UBIAD1: variants seen among roughly 807,000 people sequenced by gnomAD.
The protein encoded by UBIAD1 is UbiA prenyltransferase domain containing 1.
Under a neutral mutation model 20.1 loss-of-function variants are expected in UBIAD1, and 12 were observed. The ratio of observed to expected loss-of-function variants is 0.60; its 90% CI spans 0.38 to 0.97. The LOEUF is 0.97. Among genes scored for constraint, UBIAD1 ranks in the 50% least tolerant of loss-of-function variants. The pLI is 0.00. For missense variants in UBIAD1, 333 were observed against 419.5 expected (o/e 0.79, Z 1.80); for synonymous variants, 207 against 189.2 (o/e 1.09, Z -0.77).
chr1:11,278,619 T>G (rs1652138817), intron 1 of UBIAD1: 11 of 1,432,582 alleles, frequency 7.7e-6, no homozygotes, highest in Non-Finnish European at 1.0e-5. Context: ...AATTAATTGT[T>G]GTATGTTTGT....
chr1:11,289,530 G>T (rs999493227), downstream of UBIAD1, among the ~76,000 whole-genome samples: 1 of 152,076 alleles, frequency 6.6e-6, no homozygotes, highest in Non-Finnish European at 1.5e-5. Flanking sequence ...AGTTTTCTCA[G>T]TGACTGGAAT....
At chr1:11,295,875 C>T (rs1389424768), downstream of UBIAD1, 1 of 152,220 alleles carries the variant, frequency 6.6e-6, no homozygotes, top group African/African-American at 2.4e-5. Flanking sequence ...AAGCTACATG[C>T]ATACATTATC....
At chr1:11,274,529 C>G (rs1651929658) in intron 1 of UBIAD1, among the ~76,000 whole-genome samples, 1 of 151,582 alleles carries the variant, frequency 6.6e-6, no homozygotes, top group African/African-American at 2.4e-5. Context: ...GATTTCCTGA[C>G]CTCGTGATCC....
At chr1:11,299,367 A>G (rs1638496743), downstream of UBIAD1, among the ~76,000 whole-genome samples, 1 of 152,198 alleles carries the variant, frequency 6.6e-6, no homozygotes, top group Admixed American at 6.5e-5. Flanking sequence ...TGAGTGGTTC[A>G]GTGACTTGCT....
Position 11,286,099 on chromosome 1 carries a change from C to G in UBIAD1, c.985C>G (p.Leu329Val), listed in dbSNP as rs147731107. 32 of 1,614,106 alleles carry G rather than the reference C, an allele frequency of 2.0e-5. No individual in the cohort carries two copies. The African/African-American group carries it at 3.2e-4, about 16-fold the overall frequency. The change falls in exon 2 of 2, where the codon CTG becomes GTG. Residue 329 changes from leucine to valine, a missense_variant. By Grantham distance (32) the Leu-to-Val change is conservative. This residue lies in a region of UBIAD1 where 226 missense variants were observed against 263.5 expected (regional missense o/e 0.86). Transcript: ENST00000376810. Reference protein sequence around the residue: ...LGLFYVFGIILAPAGSLPKI With the variant: ...LGLFYVFGIIVAPAGSLPKI ...ACTTTTCTATGTCTTTGGCATCATTCTGGCACCAGCAGGCAGTCTGCCCAA... is the reference window on the plus strand; with the variant it reads ...ACTTTTCTATGTCTTTGGCATCATTGTGGCACCAGCAGGCAGTCTGCCCAA...
rs1007618735 is a variant in UBIAD1 at position 11,285,082 on chromosome 1, C to A, written c.530-562C>A. ...AGGAGGAAAGCAGCATTATAACTCT[C>A]CTGTCCTCGCTGTTTTGCTTATCGC... On this transcript the variant is annotated intron_variant, in intron 1 of 1. Coordinates refer to ENST00000376810, the MANE Select transcript of UBIAD1 (RefSeq NM_013319.3). The surrounding 1 kb of genome is among the most constrained non-coding windows in gnomAD (Gnocchi z 4.4). 2.6e-5 allele frequency among the ~76,000 whole-genome samples: 4 copies of A among 152,170 alleles called. No individual in the cohort carries two copies. Among genetic ancestry groups the A allele is most frequent in the African/African-American group, 9.7e-5 (4 of 41,434 alleles).
chr1:11,289,476 G>C (rs1326804867), downstream of UBIAD1, among the ~76,000 whole-genome samples: 2 of 152,168 alleles, frequency 1.3e-5, no homozygotes, highest in East Asian at 3.8e-4. Flanking sequence ...ACATCAGAGA[G>C]GGGGAGAGCC....
At chr1:11,293,247 G>A (rs1347410954), downstream of UBIAD1, among the ~76,000 whole-genome samples, 1 of 152,004 alleles carries the variant, frequency 6.6e-6, no homozygotes, top group Non-Finnish European at 1.5e-5. Flanking sequence ...GATTCAAGGG[G>A]TCCTCCAAAT....
In UBIAD1 at chr1:11,274,022, A is replaced by G. The variant is rs770036364; in HGVS notation, c.491A>G (p.Tyr164Cys). 6.2e-7 allele frequency: 1 copy of G among 1,613,648 alleles called. No homozygotes were observed. The highest frequency in any genetic ancestry group is 8.5e-7 in the Non-Finnish European group (1 of 1,179,980). ...PLKLEHLALIYFGGLSGSFLY... is the reference protein window; with the variant it reads ...PLKLEHLALICFGGLSGSFLY... ...AAACTGGAGCACTTGGCTCTTATCT[A>G]CTTTGGAGGCCTGTCTGGCTCCTTT... The change falls in exon 1 of 2, where the codon TAC (tyrosine) becomes TGC (cysteine). Residue 164 changes from tyrosine to cysteine, a missense_variant. Coordinates refer to ENST00000376810, the MANE Select transcript of UBIAD1 (RefSeq NM_013319.3).
At position 11,273,947 on chromosome 1, in the gene UBIAD1, A is replaced by G; in HGVS notation, c.416A>G (p.Tyr139Cys). Reference sequence around the variant, plus strand: ...GTCGTCCGGTTCGGAGTCTTCCTCTACACGTTGGGCTGCGTCTGTGCCGCT... The same window carrying G: ...GTCGTCCGGTTCGGAGTCTTCCTCTGCACGTTGGGCTGCGTCTGTGCCGCT... Reference protein sequence around the residue: ...QDVVRFGVFLYTLGCVCAACL... With the variant: ...QDVVRFGVFLCTLGCVCAACL... Residue 139 changes from tyrosine to cysteine, a missense_variant, in exon 1 of 2, where the codon TAC becomes TGC. This residue lies in a region of UBIAD1 where 226 missense variants were observed against 263.5 expected (regional missense o/e 0.86). Transcript: ENST00000376810. The surrounding 1 kb of genome is among the most constrained non-coding windows in gnomAD (Gnocchi z 4.9). 6.2e-7 allele frequency: 1 copy of G among 1,614,190 alleles called. No individual in the cohort carries two copies. The highest frequency in any genetic ancestry group is 8.5e-7 in the Non-Finnish European group (1 of 1,180,028).
At chr1:11,274,576 C>T (rs1471150275) in intron 1 of UBIAD1, among the ~76,000 whole-genome samples, 2 of 151,442 alleles carry the variant, frequency 1.3e-5, no homozygotes, top group African/African-American at 4.9e-5. Context: ...AGATTACAGG[C>T]GTGAGCCACC....
intron 1 of UBIAD1, among the ~76,000 whole-genome samples, chr1:11,284,710 C>T (rs59517794): frequency 0.057 from 8,745 of 152,164 alleles, 818 homozygotes; most frequent in African/African-American, 0.2. Context: ...GTAATCTGCC[C>T]GCCTTGGCCT....
chr1:11,291,999 T>A (rs895580470), downstream of UBIAD1: 1 of 151,554 alleles, frequency 6.6e-6, no homozygotes, highest in Non-Finnish European at 1.5e-5. Context: ...TCTTTCATTC[T>A]TTCTTTTTTC....
chr1:11,276,663 CAAA>C (rs765905706), intron 1 of UBIAD1, among the ~76,000 whole-genome samples: 11 of 71,838 alleles, frequency 1.5e-4, no homozygotes, highest in Non-Finnish European at 2.3e-4. Context: ...GGCTCCATCT[CAAA>C]AAAAAAAAAA....
chr1:11,294,267 A>G (rs1275702537), intron 1 of UBIAD1, among the ~76,000 whole-genome samples: 1 of 152,290 alleles, frequency 6.6e-6, no homozygotes, highest in East Asian at 1.9e-4. Context: ...TGATAGAACC[A>G]TGATTCAAAT....
chr1:11,292,873 C>T (rs1345607999), downstream of UBIAD1, among the ~76,000 whole-genome samples: 1 of 152,156 alleles, frequency 6.6e-6, no homozygotes, highest in Non-Finnish European at 1.5e-5. Context: ...TGGCAAGAAC[C>T]TGGCACTTGG....
At chr1:11,275,644 T>C (rs887305917) in intron 1 of UBIAD1, among the ~76,000 whole-genome samples, 1 of 152,088 alleles carries the variant, frequency 6.6e-6, no homozygotes, top group African/African-American at 2.4e-5. Flanking sequence ...CTTTGGAGGC[T>C]GAGGCGGGAG....
downstream of UBIAD1, among the ~76,000 whole-genome samples, chr1:11,298,479 A>G (rs905681445): frequency 2.0e-5 from 3 of 152,070 alleles, no homozygotes; most frequent in Non-Finnish European, 2.9e-5. This position sits in a 1 kb window ranked among gnomAD's most constrained non-coding sequence, Gnocchi z 4.0. Flanking sequence ...AGGCAGGAGA[A>G]TCACTTAAAC....
downstream of UBIAD1, among the ~76,000 whole-genome samples, chr1:11,289,515 G>A (rs752978398): frequency 6.6e-6 from 1 of 151,856 alleles, no homozygotes; most frequent in Non-Finnish European, 1.5e-5. Context: ...AGATAGGGGG[G>A]TATGAGTTTT....
Sources: allele counts gnomAD v4.1 joint callset (sites outside exome capture counted in the v4.1 genomes callset), GRCh38; gene constraint gnomAD v4.1.1; regional missense constraint gnomAD v4.1.1; non-coding constraint Gnocchi (gnomAD v3.1); transcripts MANE v1.5; gene names NCBI Gene and HGNC (gene_info 2026-07-23, HGNC 2026-07-21).